Variants in FN1 observed in about 807,000 individuals in gnomAD.
FN1 encodes fibronectin 1.
FN1 carries 106 observed loss-of-function variants against 297.3 expected under a neutral mutation model. That is an observed-to-expected ratio of 0.36 (90% CI 0.30 to 0.42). The LOEUF (loss-of-function observed/expected upper bound fraction) is 0.42. Among genes scored for constraint, FN1 ranks in the 10% least tolerant of loss-of-function variants. FN1 has a pLI of 1.00. For missense variants in FN1, 2,690 were observed against 3,124.9 expected, an observed-to-expected ratio of 0.86 and a Z score of 3.32; for synonymous variants, 1,149 against 1,152.6, an observed-to-expected ratio of 1.00 and a Z score of 0.06.
rs750870933 is a variant in FN1, at chr2:215,419,325, T to C, written c.1736A>G (p.Tyr579Cys). The C allele has an allele frequency of 6.2e-7, 1 of 1,613,222 alleles. No homozygotes were observed. The highest frequency in any genetic ancestry group is 1.7e-5 in the Admixed American group (1 of 60,006). Residue 579 changes from tyrosine to cysteine, a missense_variant, in exon 12 of 46, where the codon TAT becomes TGT. Physicochemically the swap from Tyr to Cys is radical, Grantham distance 194 (BLOSUM62 -2). Coordinates refer to ENST00000354785, the MANE Select transcript of FN1 (RefSeq NM_212482.4). ...GCACTGGTATCTGACACCATGCACA[T>C]ACTTCTCCCATGAATCTCCAATTTG... Reference protein sequence around the residue: ...FYQIGDSWEKYVHGVRYQCYC... With the variant: ...FYQIGDSWEKCVHGVRYQCYC...
chr2:215,409,868 T>C, intron 14 of FN1, 66 bp downstream of exon 14: 1 of 1,601,662 alleles, frequency 6.2e-7, no homozygotes, highest in South Asian at 1.1e-5. Context: ...AGGAAAGCAT[T>C]GCCTCAGGAG....
rs755984905 is a variant in FN1 at position 215,372,117 on chromosome 2, G to A, written c.6506C>T (p.Pro2169Leu). The A allele has an allele frequency of 1.7e-5, 27 of 1,614,042 alleles. No individual in the cohort carries two copies. Among genetic ancestry groups the A allele is most frequent in the African/African-American group, 1.1e-4 (8 of 74,916 alleles). Residue 2169 changes from proline (P) to leucine (L), a missense_variant, in exon 40 of 46, where the codon CCG (proline) becomes CTG (leucine). Pro to Leu is a moderately conservative substitution (Grantham distance 98). This residue lies in a region of FN1 where 1,743 missense variants were observed against 1,945.2 expected (regional missense o/e 0.90). Transcript: ENST00000354785. ...PIRHRPRPYP[P>L]NVGEEIQIGH... The stretch of plus-strand genomic sequence containing the variant: ...AATTTGGATTTCCTCACCTACATTC[G>A]GCGGGTATGGTCTTGGCCTATGCCT...
intron 45 of FN1, 84 bp downstream of exon 45, chr2:215,361,885 C>T: frequency 7.4e-7 from 1 of 1,356,192 alleles, no homozygotes; most frequent in Non-Finnish European, 1.0e-6. Context: ...TTAATTAAAA[C>T]ACTTGGTTCA....
chr2:215,371,962 A>C lies in FN1; in HGVS notation c.6661T>G (p.Ser2221Ala), dbSNP rs745794477. 8.1e-6 allele frequency: 13 copies of C among 1,614,102 alleles called. No individual in the cohort carries two copies. The East Asian group carries it at 1.8e-4, about 22-fold the overall frequency. ...GGATGACATGAAATGATGTACTCAG[A>C]AGTGTCCTGGAATGGGGCCCATGAG... ...TISWAPFQDT[S>A]EYIISCHPVG... is the part of the protein sequence containing the mutation. The change falls in exon 40 of 46, where the codon TCT (serine) becomes GCT (alanine). Residue 2221 changes from serine to alanine, a missense_variant. Around this residue, in one of 3 missense-constraint regions of FN1, gnomAD observed 1,743 missense variants for 1,945.2 expected, o/e 0.90. Coordinates refer to ENST00000354785, the MANE Select transcript of FN1 (RefSeq NM_212482.4).
At chr2:215,372,494 G>GAAAA (rs1164430684) in intron 39 of FN1, 119 bp from the exon 40 acceptor site, 5 of 778,692 alleles carry the variant, frequency 6.4e-6, no homozygotes, top group Non-Finnish European at 1.1e-5. Flanking sequence ...AAAGCCACCA[G>GAAAA]AAAATGAGCA....
At chr2:215,423,969 G>A (rs940737457) in intron 8 of FN1, among the ~76,000 whole-genome samples, 177 bp downstream of exon 8, 1 of 152,140 alleles carries the variant, frequency 6.6e-6, no homozygotes, top group African/African-American at 2.4e-5. Flanking sequence ...AACAGTACTG[G>A]GGAAGATGGA....
intron 21 of FN1, among the ~76,000 whole-genome samples, chr2:215,398,161 G>A (rs746242585): frequency 1.3e-5 from 2 of 152,204 alleles, no homozygotes; most frequent in Non-Finnish European, 2.9e-5. Flanking sequence ...TGGGTCACAT[G>A]GTAGTTCATT....
At position 215,435,914 on chromosome 2, in the gene FN1, C is replaced by A; in HGVS notation, c.-112G>T. 1 of 1,456,858 alleles carries A rather than the reference C, an allele frequency of 6.9e-7. No homozygotes were observed. The highest frequency in any genetic ancestry group is 9.0e-7 in the Non-Finnish European group (1 of 1,105,876). 90.2% of individuals were successfully genotyped at this position (1,456,858 alleles called of 1,614,324 possible). ...TTCTAATGCCTCCCGGGGGTTGTCG[C>A]CTCCAAGAAGGTGGGGGCCAGAGGG... On this transcript the variant is annotated 5_prime_UTR_variant, in exon 1 of 46. Transcript: ENST00000354785.
intron 26 of FN1, among the ~76,000 whole-genome samples, chr2:215,389,663 G>A (rs780372833): frequency 4.6e-5 from 7 of 152,146 alleles, no homozygotes; most frequent in Non-Finnish European, 8.8e-5. Flanking sequence ...GGTGGCTCAC[G>A]CCTGTAATCC....
At chr2:215,366,193 C>T (rs1431185182) in intron 42 of FN1, among the ~76,000 whole-genome samples, 2 of 151,884 alleles carry the variant, frequency 1.3e-5, no homozygotes, top group African/African-American at 2.4e-5. Context: ...TTTTAAGACC[C>T]AATTTATTCT....
In FN1 at chr2:215,409,663, G is replaced by A. The variant is rs781414319; in HGVS notation, c.2199C>T (p.Ala733=). The A allele has an allele frequency of 1.2e-6, 2 of 1,614,032 alleles. No homozygotes were observed. Among genetic ancestry groups the A allele is most frequent in the African/African-American group, 1.3e-5 (1 of 75,016 alleles). Residue 733 remains alanine, a synonymous_variant, in exon 15 of 46, where the codon GCC becomes GCT. Transcript: ENST00000354785. ...ATSESVTEIT[A]SSFVVSWVSA... is the part of the protein sequence containing the mutation. ...AGACCCAGGAGACCACAAAGCTACT[G>A]GCTGTGATTTCGGTCACAGATTCAG...
intron 40 of FN1, among the ~76,000 whole-genome samples, chr2:215,370,987 C>T (rs909152343): frequency 2.0e-5 from 3 of 152,088 alleles, no homozygotes; most frequent in East Asian, 1.9e-4. Flanking sequence ...GTCAGTGGGC[C>T]GGGTGTAGTG....
chr2:215,422,740 CTT>C (rs1422508364), intron 9 of FN1, among the ~76,000 whole-genome samples: 5 of 152,184 alleles, frequency 3.3e-5, no homozygotes, highest in African/African-American at 7.2e-5. Context: ...CGCCCAGGCT[CTT>C]GTTTCTACAA....
chr2:215,418,667 GAA>G (rs1353632711), intron 12 of FN1, among the ~76,000 whole-genome samples: 1 of 152,144 alleles, frequency 6.6e-6, no homozygotes, highest in African/African-American at 2.4e-5. Context: ...TTGTGACCTG[GAA>G]AAACCCAGCA....
chr2:215,418,862 T>C (rs944773081), intron 12 of FN1, among the ~76,000 whole-genome samples: 3 of 152,230 alleles, frequency 2.0e-5, no homozygotes, highest in Non-Finnish European at 4.4e-5. Flanking sequence ...GCCATCTCTC[T>C]ATGCAGCTTC....
chr2:215,424,076 G>T, intron 8 of FN1, 70 bp downstream of exon 8: 2 of 1,481,308 alleles, frequency 1.4e-6, no homozygotes, highest in Non-Finnish European at 1.9e-6. Context: ...TGGCTAGAAT[G>T]CTGGCAAATA....
chr2:215,378,526 A>G (rs1215440444), intron 34 of FN1, among the ~76,000 whole-genome samples: 2 of 152,180 alleles, frequency 1.3e-5, no homozygotes, highest in African/African-American at 2.4e-5. Context: ...AAAAAATGAG[A>G]AAAGTGGGTA....
In FN1 at chr2:215,399,308, A is replaced by G; in HGVS notation, c.3297T>C (p.Thr1099=). The G allele has an allele frequency of 6.2e-7, 1 of 1,614,072 alleles. No individual in the cohort carries two copies. ...TCCATGTGATCACAATGGTGGTCTC[A>G]GTCACCTCGGTGTTGTAAGGTGGAA... ...SSIPPYNTEV[T]ETTIVITWTP... is the part of the protein sequence containing the mutation. The change falls in exon 21 of 46, where the codon ACT becomes ACC. Residue 1099 remains threonine (T), a synonymous_variant. Transcript: ENST00000354785.
intron 5 of FN1, among the ~76,000 whole-genome samples, chr2:215,430,415 C>A (rs1311906660): frequency 6.6e-6 from 1 of 152,104 alleles, no homozygotes; most frequent in Non-Finnish European, 1.5e-5. Flanking sequence ...ATCAATTTAG[C>A]CTGTGAATGT....
Sources: gnomAD v4.1 joint callset for allele counts (sites outside exome capture counted in the v4.1 genomes callset) on GRCh38, gnomAD v4.1.1 for gene constraint, gnomAD v4.1.1 regional missense constraint, MANE v1.5 for transcripts, NCBI Gene and HGNC (gene_info 2026-07-23, HGNC 2026-07-21) for gene names.